Variants in PRKG1 observed in about 807,000 individuals in gnomAD.
PRKG1 encodes the protein cGMP-dependent protein kinase 1.
In PRKG1, 35 loss-of-function variants were observed where a neutral mutation model predicts 88.1. The ratio of observed to expected loss-of-function variants is 0.40; its 90% CI spans 0.30 to 0.53. The LOEUF is 0.53. PRKG1 is among the 20% of genes least tolerant of loss of function. PRKG1 has a pLI of 0.59. For synonymous variants in PRKG1, 303 were observed against 292.5 expected, an observed-to-expected ratio of 1.04 and a Z score of -0.37; for missense variants, 540 against 839.8, an observed-to-expected ratio of 0.64 and a Z score of 4.41.
At chr10:52,265,404 A>G (rs1046591544) in intron 10 of PRKG1, among the ~76,000 whole-genome samples, 1 of 152,120 alleles carries the variant, frequency 6.6e-6, no homozygotes, top group Non-Finnish European at 1.5e-5. Context: ...TTTCAATTAC[A>G]GTGTAGTTCA....
At chr10:52,290,753 G>A (rs1281191726) in intron 17 of PRKG1, among the ~76,000 whole-genome samples, 2 of 151,946 alleles carry the variant, frequency 1.3e-5, no homozygotes, top group African/African-American at 4.8e-5. Flanking sequence ...CTACTCAAAA[G>A]TCTGGAGCAG....
intron 1 of PRKG1, among the ~76,000 whole-genome samples, chr10:51,138,557 A>G: frequency 6.6e-6 from 1 of 151,976 alleles, no homozygotes; most frequent in East Asian, 1.9e-4. Context: ...TATTTCCTCA[A>G]TATTAGTGAA....
intron 5 of PRKG1, among the ~76,000 whole-genome samples, chr10:51,977,858 T>C (rs529784464): frequency 2.0e-5 from 3 of 152,266 alleles, no homozygotes; most frequent in African/African-American, 7.2e-5. Flanking sequence ...TCCTTATAAA[T>C]GCTGGATATC....
intron 2 of PRKG1, among the ~76,000 whole-genome samples, chr10:51,277,684 G>C (rs2132192361): frequency 6.6e-6 from 1 of 152,304 alleles, no homozygotes; most frequent in East Asian, 1.9e-4. Flanking sequence ...TCCCTTGTAA[G>C]TTGGATTCCT....
intron 5 of PRKG1, among the ~76,000 whole-genome samples, chr10:51,948,146 T>C (rs1394007048): frequency 6.6e-6 from 1 of 152,196 alleles, no homozygotes; most frequent in Non-Finnish European, 1.5e-5. Context: ...ATTATTTACA[T>C]TGTTACCTCA....
chr10:52,034,100 G>A (rs1043214855), intron 5 of PRKG1, among the ~76,000 whole-genome samples: 8 of 151,944 alleles, frequency 5.3e-5, no homozygotes, highest in Admixed American at 1.3e-4. Flanking sequence ...AGGTGGGGCA[G>A]GGCATATTCA....
chr10:51,393,252 C>T (rs1305462959), intron 2 of PRKG1, among the ~76,000 whole-genome samples: 2 of 150,920 alleles, frequency 1.3e-5, no homozygotes, highest in Non-Finnish European at 2.9e-5. Context: ...CTCCCCACAT[C>T]TCAGACGATG....
chr10:51,300,103 G>T lies in PRKG1; in HGVS notation c.478+146773G>T, dbSNP rs200764448. Among the ~76,000 whole-genome samples, 20 of 152,328 alleles carry T rather than the reference G, an allele frequency of 1.3e-4. No individual in the cohort carries two copies. In the East Asian group the frequency reaches 1.5e-3, roughly 12 times the overall value. The stretch of plus-strand genomic sequence containing the variant: ...ATTGGATTACTTGCTCAGCAAGAGA[G>T]TAGAACCTTGTCTTTATGAATTAAA... On this transcript the variant is annotated intron_variant, in intron 2 of 17. Transcript: ENST00000373980.
At chr10:51,629,117 A>C (rs1839459467) in intron 3 of PRKG1, among the ~76,000 whole-genome samples, 2 of 152,190 alleles carry the variant, frequency 1.3e-5, no homozygotes, top group East Asian at 3.8e-4. Flanking sequence ...AATAGGTAAG[A>C]GTACTGTTTC....
intron 10 of PRKG1, among the ~76,000 whole-genome samples, chr10:52,268,198 T>C (rs774728166): frequency 4.6e-5 from 7 of 152,168 alleles, no homozygotes; most frequent in Non-Finnish European, 8.8e-5. Flanking sequence ...ACCCAAGGAC[T>C]GGTTCCATGC....
chr10:51,819,305 A>G (rs1839682109), intron 4 of PRKG1, among the ~76,000 whole-genome samples: 1 of 151,650 alleles, frequency 6.6e-6, no homozygotes, highest in African/African-American at 2.4e-5. Flanking sequence ...AAACTCACTC[A>G]CCCTTTTCCC....
At chr10:51,163,315 T>C (rs1282350663) in intron 2 of PRKG1, among the ~76,000 whole-genome samples, 2 of 152,262 alleles carry the variant, frequency 1.3e-5, no homozygotes, top group Non-Finnish European at 2.9e-5. Flanking sequence ...TTTAGTCATT[T>C]ATTAATAGCA....
chr10:52,188,292 ATATATATATGTATATATATACATATG>A, intron 9 of PRKG1, among the ~76,000 whole-genome samples: 1 of 34,900 alleles, frequency 2.9e-5, no homozygotes, highest in African/African-American at 8.0e-5. Flanking sequence ...ATATATGTGT[ATATATATATGTATATATATACATATG>A]TATATATATA....
At chr10:51,073,626 A>G (rs1843869183), upstream of PRKG1, among the ~76,000 whole-genome samples, 2 of 152,106 alleles carry the variant, frequency 1.3e-5, no homozygotes, top group Non-Finnish European at 2.9e-5. Flanking sequence ...TTGCCCTAAA[A>G]CAGTTCCCCG....
chr10:51,000,622 A>G (rs528702534), intron 1 of PRKG1, among the ~76,000 whole-genome samples: 28 of 152,280 alleles, frequency 1.8e-4, no homozygotes, highest in Admixed American at 3.3e-4. Context: ...TAGAGAAGTG[A>G]ATTTATTTTA....
At chr10:52,280,078 A>G (rs1841969062) in intron 12 of PRKG1, among the ~76,000 whole-genome samples, 1 of 152,096 alleles carries the variant, frequency 6.6e-6, no homozygotes, top group African/African-American at 2.4e-5. Flanking sequence ...GCTAAACATA[A>G]TAATCAAGAT....
At chr10:52,048,041 G>A (rs1366124895) in intron 5 of PRKG1, among the ~76,000 whole-genome samples, 13 of 151,940 alleles carry the variant, frequency 8.6e-5, no homozygotes, top group African/African-American at 2.9e-4. Context: ...GCATACAAAG[G>A]TGGTTTATAC....
At chr10:51,254,078 TGTTTAATATTA>T (rs2132146360) in intron 2 of PRKG1, among the ~76,000 whole-genome samples, 1 of 152,052 alleles carries the variant, frequency 6.6e-6, no homozygotes, top group Non-Finnish European at 1.5e-5. Flanking sequence ...AAGATCAAAG[TGTTTAATATTA>T]TACACACATA....
At chr10:52,138,198 C>A (rs868503030) in intron 8 of PRKG1, among the ~76,000 whole-genome samples, 10 of 151,996 alleles carry the variant, frequency 6.6e-5, no homozygotes, top group African/African-American at 2.4e-4. Context: ...GTCTGATTGC[C>A]CCCTACTCCT....
Sources: allele counts gnomAD v4.1 joint callset (sites outside exome capture counted in the v4.1 genomes callset), GRCh38; gene constraint gnomAD v4.1.1; transcripts MANE v1.5; gene names NCBI Gene and HGNC (gene_info 2026-07-23, HGNC 2026-07-21).